BCR: variants seen among roughly 807,000 people sequenced by gnomAD.
BCR encodes the protein BCR activator of RhoGEF and GTPase.
Under a neutral mutation model 138.6 loss-of-function variants are expected in BCR, and 58 were observed. That is an observed-to-expected ratio of 0.42 (90% confidence interval 0.34 to 0.52). The LOEUF (loss-of-function observed/expected upper bound fraction) is 0.52, where lower values mean the gene tolerates loss of function less well. Ranked by LOEUF, BCR falls within the 20% of genes least tolerant of loss-of-function variation. The pLI is 0.06. For synonymous variants in BCR, 786 were observed against 730.1 expected, an observed-to-expected ratio of 1.08 and a Z score of -1.23; for missense variants, 1,599 against 1,727.2, an observed-to-expected ratio of 0.93 and a Z score of 1.32.
chr22:23,220,364 G>A (rs371116712), intron 1 of BCR, among the ~76,000 whole-genome samples: 165 of 152,328 alleles, frequency 1.1e-3, no homozygotes, highest in African/African-American at 3.8e-3. Flanking sequence ...AGAGCCAGGT[G>A]TCAGGGAATG....
At position 23,182,090 on chromosome 22, in the gene BCR, C is replaced by CCTTCGACTG; in HGVS notation, c.1137_1138insTGCTTCGAC (p.Asp379_Ser380insCysPheAsp). 6.2e-7 allele frequency: 1 copy of CCTTCGACTG among 1,613,234 alleles called. No homozygotes were observed. Among genetic ancestry groups the CCTTCGACTG allele is most frequent in the African/African-American group, 1.3e-5 (1 of 75,080 alleles). On this transcript the variant is annotated inframe_insertion, in exon 1 of 23. Coordinates refer to ENST00000305877, the MANE Select transcript of BCR (RefSeq NM_004327.4). ...TCTCCCTCGCAGAACTCGCAACAGT[C>CCTTCGACTG]CTTCGACAGCAGCAGTCCCCCCACG...
rs1280231887 is a variant in BCR, at chr22:23,285,208, A to G, written c.2406+7A>G. On this transcript the variant is annotated splice_region_variant and intron_variant, in intron 10 of 22. Transcript: ENST00000305877. ...TGACATCCAGAGAGAGAAGGTGCACACCAGGGGAGCAAGGGCCGGGTTTGG... is the reference window on the plus strand; with the variant it reads ...TGACATCCAGAGAGAGAAGGTGCACGCCAGGGGAGCAAGGGCCGGGTTTGG... The G allele has an allele frequency of 3.1e-6, 5 of 1,608,782 alleles. No individual in the cohort carries two copies. The highest frequency in any genetic ancestry group is 1.9e-4 in the Middle Eastern group (1 of 5,280).
At chr22:23,185,289 G>C (rs2072324967) in intron 1 of BCR, among the ~76,000 whole-genome samples, 1 of 152,206 alleles carries the variant, frequency 6.6e-6, no homozygotes, top group Non-Finnish European at 1.5e-5. Flanking sequence ...CAACTGGGGA[G>C]GTTCAGGGCG....
chr22:23,311,560 C>G (rs1483280599), intron 18 of BCR, 137 bp from the exon 19 acceptor site: 9 of 628,328 alleles, frequency 1.4e-5, no homozygotes, highest in Non-Finnish European at 2.3e-5. Flanking sequence ...GCAGAAGGCT[C>G]TGTGTGCAGC....
intron 16 of BCR, among the ~76,000 whole-genome samples, chr22:23,308,732 G>A (rs1488584951): frequency 2.0e-5 from 3 of 152,228 alleles, no homozygotes; most frequent in African/African-American, 7.2e-5. Flanking sequence ...CTTCACGGAT[G>A]GGGGACATGT....
intron 1 of BCR, among the ~76,000 whole-genome samples, chr22:23,183,530 A>G (rs1422536569): frequency 6.6e-6 from 1 of 152,178 alleles, no homozygotes; most frequent in Non-Finnish European, 1.5e-5. Flanking sequence ...GCCGGGCTGC[A>G]TTCCCTAAGT....
chr22:23,273,860 T>C, intron 8 of BCR, 86 bp downstream of exon 8: 1 of 1,558,724 alleles, frequency 6.4e-7, no homozygotes, highest in East Asian at 2.3e-5. Flanking sequence ...TCTGGAGCCC[T>C]TCCTGGTCCT....
intron 1 of BCR, among the ~76,000 whole-genome samples, chr22:23,196,120 C>T (rs1466785483): frequency 6.6e-6 from 1 of 152,192 alleles, no homozygotes; most frequent in Non-Finnish European, 1.5e-5. Flanking sequence ...AATGTACCAT[C>T]TCAACCACTT....
intron 1 of BCR, among the ~76,000 whole-genome samples, chr22:23,224,032 A>C (rs554584604): frequency 1.4e-4 from 22 of 152,066 alleles, no homozygotes; most frequent in African/African-American, 3.9e-4. Context: ...GGGACAGTTT[A>C]TCTCTCTTTT....
chr22:23,196,339 G>GT (rs1259110817), intron 1 of BCR, among the ~76,000 whole-genome samples: 1 of 152,194 alleles, frequency 6.6e-6, no homozygotes, highest in Non-Finnish European at 1.5e-5. Flanking sequence ...GGCACCTAAA[G>GT]TAACGGTAAC....
chr22:23,247,728 A>G (rs570230067), intron 1 of BCR, among the ~76,000 whole-genome samples: 6 of 152,148 alleles, frequency 3.9e-5, no homozygotes, highest in Non-Finnish European at 7.4e-5. Flanking sequence ...TCAGTTCTGC[A>G]TGCATTTCCT....
At chr22:23,254,056 T>A in intron 2 of BCR, 76 bp downstream of exon 2, 3 of 1,465,394 alleles carry the variant, frequency 2.0e-6, no homozygotes, top group Non-Finnish European at 1.8e-6. Flanking sequence ...CTCAGGGGTA[T>A]GTAGCAGGTA....
rs373742833 is a variant in BCR, at chr22:23,180,592, A to AGCGGCGGCGGCGGCGGCAG, written c.-369_-368insGCGGCGGCGGCGGCGGCAG. On this transcript the variant is annotated 5_prime_UTR_variant, in exon 1 of 23. Transcript: ENST00000305877. Reference sequence around the variant, plus strand: ...AGGAGGCGGCGGCGGCGGCGGCGGCACGGCGGCGGCGGGGCTGTGGGGCGG... The same window carrying AGCGGCGGCGGCGGCGGCAG: ...AGGAGGCGGCGGCGGCGGCGGCGGCAGCGGCGGCGGCGGCGGCAGCGGCGGCGGCGGGGCTGTGGGGCGG... 6 of 179,796 alleles carry AGCGGCGGCGGCGGCGGCAG rather than the reference A, an allele frequency of 3.3e-5. No individual in the cohort carries two copies. The highest frequency in any genetic ancestry group is 9.7e-5 in the African/African-American group (4 of 41,184). The allele number at this position is 179,796 out of a possible 1,614,324, so 11.1% of individuals were successfully genotyped here. A position where few individuals can be genotyped will look rare whatever the true frequency, so the allele number is the denominator to read the frequency against.
intron 1 of BCR, among the ~76,000 whole-genome samples, chr22:23,198,551 C>G (rs1410368466): frequency 6.6e-6 from 1 of 151,998 alleles, no homozygotes; most frequent in South Asian, 2.1e-4. Context: ...GGGAGGCCAC[C>G]GCAGGTAAGG....
intron 1 of BCR, among the ~76,000 whole-genome samples, chr22:23,200,038 A>C (rs1354105307): frequency 6.6e-6 from 1 of 151,888 alleles, no homozygotes; most frequent in Non-Finnish European, 1.5e-5. Context: ...CAGTGAGCCA[A>C]GATCCACCAC....
At chr22:23,274,466 G>T (rs1231799134) in intron 8 of BCR, among the ~76,000 whole-genome samples, 1 of 152,182 alleles carries the variant, frequency 6.6e-6, no homozygotes, top group Non-Finnish European at 1.5e-5. Context: ...GTAAGCTGGG[G>T]AGCCAGTGTC....
chr22:23,275,148 C>T (rs527338218), intron 8 of BCR, among the ~76,000 whole-genome samples: 60 of 152,278 alleles, frequency 3.9e-4, no homozygotes, highest in African/African-American at 1.3e-3. Flanking sequence ...GAGTCTAATC[C>T]GAGTTGACCT....
intron 1 of BCR, among the ~76,000 whole-genome samples, chr22:23,184,259 A>ATT (rs1047651130): frequency 1.4e-5 from 2 of 146,028 alleles, no homozygotes; most frequent in African/African-American, 2.5e-5. Context: ...CTAATTTTTA[A>ATT]TTTTTTTTTT....
chr22:23,193,394 C>T (rs1026246428), intron 1 of BCR, among the ~76,000 whole-genome samples: 1 of 152,238 alleles, frequency 6.6e-6, no homozygotes, highest in Non-Finnish European at 1.5e-5. Flanking sequence ...GTGGGAGTAG[C>T]GGGTGCAGAC....
Sources: gnomAD v4.1 joint callset for allele counts (sites outside exome capture counted in the v4.1 genomes callset) on GRCh38, gnomAD v4.1.1 for gene constraint, MANE v1.5 for transcripts, NCBI Gene and HGNC (gene_info 2026-07-23, HGNC 2026-07-21) for gene names.